Variants in FUBP1 observed in about 807,000 individuals in gnomAD.
The protein encoded by FUBP1 is far upstream element-binding protein 1.
FUBP1 carries 16 observed loss-of-function variants against 94.9 expected under a neutral mutation model. That is an observed-to-expected ratio of 0.17 (90% CI 0.11 to 0.26). The LOEUF (loss-of-function observed/expected upper bound fraction) is 0.26. FUBP1 is among the 10% of genes least tolerant of loss of function. The probability of loss-of-function intolerance (pLI) is 1.00; values close to 1 mark genes in which losing one functional copy is unlikely to be tolerated. For missense variants in FUBP1, 583 were observed against 808.6 expected, an observed-to-expected ratio of 0.72 and a Z score of 3.38; for synonymous variants, 279 against 254.9, an observed-to-expected ratio of 1.09 and a Z score of -0.90.
chr1:77,948,686 C>A lies in FUBP1; in HGVS notation c.*80G>T. 6.7e-7 allele frequency: 1 copy of A among 1,500,502 alleles called. No homozygotes were observed. The highest frequency in any genetic ancestry group is 1.4e-5 in the South Asian group (1 of 73,186). The allele number at this position is 1,500,502 out of a possible 1,614,324, so 92.9% of individuals were successfully genotyped here. On this transcript the variant is annotated 3_prime_UTR_variant, in exon 20 of 20. Transcript: ENST00000370768. ...CCAAAAACAAAATTAAGATCTTCAT[C>A]AAGTCGTCTGCATCCATATATTTAA...
At chr1:77,972,700 C>T (rs761601962) in intron 1 of FUBP1, among the ~76,000 whole-genome samples, 22 of 150,702 alleles carry the variant, frequency 1.5e-4, no homozygotes, top group Non-Finnish European at 2.7e-4. Context: ...AGGCAGAGGT[C>T]GCAGTGAGCC....
intron 1 of FUBP1, among the ~76,000 whole-genome samples, chr1:77,972,012 A>C (rs952071892): frequency 6.6e-6 from 1 of 152,056 alleles, no homozygotes; most frequent in Non-Finnish European, 1.5e-5. Flanking sequence ...CTCAAAAAAA[A>C]AAAAAAAAAA....
In FUBP1 at chr1:77,979,061, T is replaced by C; in HGVS notation, c.-57A>G. ...CAGAGACTTCCTCTCAGCTAACAGC[T>C]AAGAAAGAAAGAAAATGGCGGCCGT... On this transcript the variant is annotated 5_prime_UTR_variant, in exon 1 of 20. Coordinates refer to ENST00000370768, the MANE Select transcript of FUBP1 (RefSeq NM_003902.5). The C allele has an allele frequency of 6.7e-7, 1 of 1,503,388 alleles. No homozygotes were observed. The highest frequency in any genetic ancestry group is 8.9e-7 in the Non-Finnish European group (1 of 1,119,264). The allele number at this position is 1,503,388 out of a possible 1,614,324, so 93.1% of individuals were successfully genotyped here.
At chr1:77,957,152 G>A (rs1330762420) in intron 16 of FUBP1, among the ~76,000 whole-genome samples, 1 of 152,126 alleles carries the variant, frequency 6.6e-6, no homozygotes, top group Non-Finnish European at 1.5e-5. Context: ...TATTTTCAAT[G>A]AAGAGAAAAT....
rs572613073 is a variant in FUBP1 at position 77,953,123 on chromosome 1, C to T, written c.1780+2132G>A. Reference sequence around the variant, plus strand: ...TGCTTGGGGAGTAAGACCAAGACTCCGTCTTAAAAAAAACAACAACAACGA... The same window carrying T: ...TGCTTGGGGAGTAAGACCAAGACTCTGTCTTAAAAAAAACAACAACAACGA... On this transcript the variant is annotated intron_variant, in intron 18 of 19. Coordinates refer to ENST00000370768, the MANE Select transcript of FUBP1 (RefSeq NM_003902.5). 7.3e-5 allele frequency among the ~76,000 whole-genome samples: 11 copies of T among 151,668 alleles called. No homozygotes were observed. The East Asian group carries it at 7.8e-4, about 11-fold the overall frequency.
intron 16 of FUBP1, among the ~76,000 whole-genome samples, chr1:77,959,155 G>T (rs1654997604): frequency 6.6e-6 from 1 of 152,136 alleles, no homozygotes. Flanking sequence ...ATTATGTGTA[G>T]AAAGTATTCC....
In FUBP1 at chr1:77,964,634, AT is replaced by A; in HGVS notation, c.837+11del. On this transcript the variant is annotated intron_variant, in intron 10 of 19. Coordinates refer to ENST00000370768, the MANE Select transcript of FUBP1 (RefSeq NM_003902.5). ...AGCATACAACCATTTCTGAATGGGTATTTTTACTTACATCTATCCCTTCATT... is the reference window on the plus strand; with the variant it reads ...AGCATACAACCATTTCTGAATGGGTATTTTACTTACATCTATCCCTTCATT... 1 of 1,437,714 alleles carries A rather than the reference AT, an allele frequency of 7.0e-7. No individual in the cohort carries two copies. Among genetic ancestry groups the A allele is most frequent in the Non-Finnish European group, 9.8e-7 (1 of 1,019,850 alleles). 89.1% of individuals were successfully genotyped at this position (1,437,714 alleles called of 1,614,324 possible).
intron 10 of FUBP1, 54 bp from the exon 11 acceptor site, chr1:77,964,410 A>T: frequency 9.2e-7 from 1 of 1,083,556 alleles, no homozygotes; most frequent in Non-Finnish European, 1.3e-6. Flanking sequence ...GGTTTAAAGT[A>T]AAAAAAAGTA....
intron 13 of FUBP1, 54 bp from the exon 14 acceptor site, chr1:77,962,984 TA>T (rs1226732657): frequency 1.6e-6 from 2 of 1,253,004 alleles, no homozygotes; most frequent in African/African-American, 3.0e-5. Flanking sequence ...TACTAGGAGC[TA>T]TTTAGAAGAA....
intron 7 of FUBP1, 137 bp from the exon 8 acceptor site, chr1:77,965,368 T>C (rs903274722): frequency 2.2e-6 from 1 of 463,692 alleles, no homozygotes; most frequent in Non-Finnish European, 3.7e-6. Context: ...ACTTTAACAA[T>C]GCTTTTACTT....
rs2102566593 is a variant in FUBP1, at chr1:77,979,057, C to T, written c.-53G>A. On this transcript the variant is annotated 5_prime_UTR_variant, in exon 1 of 20. Coordinates refer to ENST00000370768, the MANE Select transcript of FUBP1 (RefSeq NM_003902.5). ...TGTTCAGAGACTTCCTCTCAGCTAA[C>T]AGCTAAGAAAGAAAGAAAATGGCGG... The T allele has an allele frequency of 1.3e-6, 2 of 1,515,836 alleles. No individual in the cohort carries two copies. Among genetic ancestry groups the T allele is most frequent in the Non-Finnish European group, 1.8e-6 (2 of 1,123,942 alleles). The allele number at this position is 1,515,836 out of a possible 1,614,324, so 93.9% of individuals were successfully genotyped here.
intron 1 of FUBP1, among the ~76,000 whole-genome samples, chr1:77,974,900 G>A (rs1456175457): frequency 6.6e-6 from 1 of 152,158 alleles, no homozygotes; most frequent in African/African-American, 2.4e-5. Flanking sequence ...ATCCCTGGGG[G>A]ATTGGTTCCA....
At chr1:77,971,917 A>C (rs1271638611) in intron 1 of FUBP1, among the ~76,000 whole-genome samples, 1 of 151,340 alleles carries the variant, frequency 6.6e-6, no homozygotes, top group Non-Finnish European at 1.5e-5. Flanking sequence ...AGGTGGGAGA[A>C]CTGCTTGAAC....
chr1:77,970,005 T>C lies in FUBP1; in HGVS notation c.131A>G (p.Lys44Arg). The change falls in exon 2 of 20, where the codon AAA (lysine) becomes AGA (arginine). Residue 44 changes from lysine to arginine, a missense_variant. Transcript: ENST00000370768. ...TGATGTCCCTGCATCACCTCCAATT[T>C]TTGCTGCAATCTAAAAAAAAAAAAG... Reference protein sequence around the residue: ...ALQRARQIAAKIGGDAGTSLN... With the variant: ...ALQRARQIAARIGGDAGTSLN... 6.4e-7 allele frequency: 1 copy of C among 1,574,296 alleles called. No homozygotes were observed. The highest frequency in any genetic ancestry group is 8.7e-7 in the Non-Finnish European group (1 of 1,152,990).
At chr1:77,951,052 A>C (rs754218297) in intron 18 of FUBP1, among the ~76,000 whole-genome samples, 9 of 152,258 alleles carry the variant, frequency 5.9e-5, no homozygotes, top group Non-Finnish European at 1.0e-4. Context: ...AGCAAATCTG[A>C]AACAGGTTTC....
chr1:77,969,849 A>C, intron 2 of FUBP1, 76 bp downstream of exon 2: 1 of 660,966 alleles, frequency 1.5e-6, no homozygotes, highest in East Asian at 2.9e-5. Context: ...TCTCAATAAA[A>C]TAACAGAAAA....
intron 17 of FUBP1, among the ~76,000 whole-genome samples, chr1:77,955,770 A>G (rs375270006): frequency 7.2e-6 from 1 of 138,224 alleles, no homozygotes; most frequent in Non-Finnish European, 1.5e-5. Flanking sequence ...GTATGTAAAT[A>G]TATTTCCTAG....
chr1:77,956,630 T>C lies in FUBP1; in HGVS notation c.1647A>G (p.Ala549=). The change falls in exon 17 of 20, where the codon GCA becomes GCG. Residue 549 remains alanine (A), a synonymous_variant. Coordinates refer to ENST00000370768, the MANE Select transcript of FUBP1 (RefSeq NM_003902.5). ...CTGCAGGGGCTGCTGGTGGTGGCTGTGCTTGCTGTTGATAATAGTGAGCGT... is the reference window on the plus strand; with the variant it reads ...CTGCAGGGGCTGCTGGTGGTGGCTGCGCTTGCTGTTGATAATAGTGAGCGT... ...AYYAHYYQQQ[A]QPPPAAPAGA... The C allele has an allele frequency of 6.2e-7, 1 of 1,612,022 alleles. No homozygotes were observed. Among genetic ancestry groups the C allele is most frequent in the Non-Finnish European group, 8.5e-7 (1 of 1,178,136 alleles).
chr1:77,963,643 G>T lies in FUBP1; in HGVS notation c.1114C>A (p.Pro372Thr). ...TTAAATTCCTGTAGTCCACCAGGTG[G>T]TCCCATGTTCCAGTTGCCTTGACCT... ...GRGQGNWNMG[P>T]PGGLQEFNFI... The change falls in exon 13 of 20, where the codon CCA (proline) becomes ACA (threonine). Residue 372 changes from proline to threonine, a missense_variant. Pro to Thr is a conservative substitution (Grantham distance 38, BLOSUM62 -1). Coordinates refer to ENST00000370768, the MANE Select transcript of FUBP1 (RefSeq NM_003902.5). 6.2e-7 allele frequency: 1 copy of T among 1,601,522 alleles called. No individual in the cohort carries two copies. The highest frequency in any genetic ancestry group is 8.6e-7 in the Non-Finnish European group (1 of 1,168,642).
Sources: gnomAD v4.1 joint callset for allele counts (sites outside exome capture counted in the v4.1 genomes callset) on GRCh38, gnomAD v4.1.1 for gene constraint, MANE v1.5 for transcripts, NCBI Gene and HGNC (gene_info 2026-07-23, HGNC 2026-07-21) for gene names.